Variants in KCTD1 observed in about 807,000 individuals in gnomAD.
The protein encoded by KCTD1 is BTB/POZ domain-containing protein KCTD1.
A neutral mutation model predicts 66.0 loss-of-function variants in KCTD1; 24 were observed. The observed-to-expected ratio is 0.36, with a 90% CI of 0.26 to 0.51. The LOEUF (loss-of-function observed/expected upper bound fraction) is 0.51, where lower values mean the gene tolerates loss of function less well. KCTD1 is among the 20% of genes least tolerant of loss of function. The pLI is 0.95. For missense variants in KCTD1, 943 were observed against 1,205.2 expected, an observed-to-expected ratio of 0.78 and a Z score of 3.22; for synonymous variants, 511 against 517.2, an observed-to-expected ratio of 0.99 and a Z score of 0.16.
At chr18:26,500,787 G>A (rs1420586482) in intron 2 of KCTD1, among the ~76,000 whole-genome samples, 5 of 152,062 alleles carry the variant, frequency 3.3e-5, no homozygotes, top group African/African-American at 9.7e-5. Flanking sequence ...ATCTTTTTTT[G>A]TACTACATTG....
At chr18:26,523,511 T>A (rs1424248500) in intron 1 of KCTD1, among the ~76,000 whole-genome samples, 1 of 151,912 alleles carries the variant, frequency 6.6e-6, no homozygotes, top group African/African-American at 2.4e-5. Flanking sequence ...AAAAGCTGAG[T>A]GTGGTGGCTC....
chr18:26,582,487 C>T (rs952283526), intron 1 of KCTD1, among the ~76,000 whole-genome samples: 2 of 152,156 alleles, frequency 1.3e-5, no homozygotes, highest in Non-Finnish European at 2.9e-5. Flanking sequence ...TACAGTTTGA[C>T]AATATGTAAC....
At chr18:26,512,526 T>C (rs1205544926) in intron 1 of KCTD1, among the ~76,000 whole-genome samples, 2 of 152,206 alleles carry the variant, frequency 1.3e-5, no homozygotes, top group Non-Finnish European at 2.9e-5. Context: ...AAAAAGTTCA[T>C]TTGCTCATTT....
chr18:26,641,132 G>A (rs1003542290), upstream of KCTD1, among the ~76,000 whole-genome samples: 1 of 152,132 alleles, frequency 6.6e-6, no homozygotes, highest in Non-Finnish European at 1.5e-5. Flanking sequence ...TGTAAGGCCT[G>A]TTTATACCCT....
intron 1 of KCTD1, among the ~76,000 whole-genome samples, chr18:26,508,314 G>A (rs895871895): frequency 2.0e-5 from 3 of 152,038 alleles, no homozygotes; most frequent in African/African-American, 7.2e-5. Flanking sequence ...GATTTTTTTG[G>A]TAGTAGAATC....
intron 1 of KCTD1, among the ~76,000 whole-genome samples, chr18:26,562,216 C>A (rs1427405517): frequency 6.6e-6 from 1 of 152,092 alleles, no homozygotes; most frequent in East Asian, 1.9e-4. Context: ...CACTGAAGCA[C>A]CAAGCCCTGC....
chr18:26,635,361 T>C (rs1987701990), intron 1 of KCTD1, among the ~76,000 whole-genome samples: 1 of 152,250 alleles, frequency 6.6e-6, no homozygotes, highest in Non-Finnish European at 1.5e-5. Flanking sequence ...GAATACAGAA[T>C]TGCTAGTGCA....
chr18:26,461,115 T>C (rs1190129518), intron 3 of KCTD1, among the ~76,000 whole-genome samples: 1 of 152,238 alleles, frequency 6.6e-6, no homozygotes, highest in Admixed American at 6.5e-5. Flanking sequence ...GGCTAGAGTA[T>C]GAGAAGCACA....
chr18:26,574,620 A>G (rs1417656563), intron 1 of KCTD1, among the ~76,000 whole-genome samples: 1 of 152,256 alleles, frequency 6.6e-6, no homozygotes, highest in Non-Finnish European at 1.5e-5. Flanking sequence ...AAAACACACT[A>G]GCTTCAATCC....
chr18:26,514,685 C>G (rs928923992), intron 1 of KCTD1, among the ~76,000 whole-genome samples: 2 of 152,192 alleles, frequency 1.3e-5, no homozygotes, highest in African/African-American at 4.8e-5. Context: ...CAGAAACACT[C>G]CTCCTGGACC....
At chr18:26,462,619 A>C (rs1057377365) in intron 3 of KCTD1, among the ~76,000 whole-genome samples, 1 of 152,216 alleles carries the variant, frequency 6.6e-6, no homozygotes, top group Non-Finnish European at 1.5e-5. Context: ...GGTGAAGTGC[A>C]CATTGGCCAT....
At chr18:26,638,071 A>G (rs1025979301) in intron 1 of KCTD1, among the ~76,000 whole-genome samples, 9 of 152,242 alleles carry the variant, frequency 5.9e-5, no homozygotes, top group Non-Finnish European at 2.9e-5. Flanking sequence ...GTTGCAAATT[A>G]ATCATCTACC....
At chr18:26,499,612 A>G (rs533470183) in intron 2 of KCTD1, among the ~76,000 whole-genome samples, 24 of 152,360 alleles carry the variant, frequency 1.6e-4, no homozygotes, top group African/African-American at 5.5e-4. Flanking sequence ...TAAATTATCA[A>G]GTAATGGAGT....
chr18:26,615,797 G>A (rs959461183), intron 1 of KCTD1, among the ~76,000 whole-genome samples: 14 of 152,142 alleles, frequency 9.2e-5, no homozygotes, highest in African/African-American at 3.1e-4. Flanking sequence ...GATCACTAGT[G>A]CTTTTTTTTT....
intron 1 of KCTD1, among the ~76,000 whole-genome samples, chr18:26,623,459 G>T (rs916512288): frequency 6.6e-6 from 1 of 152,106 alleles, no homozygotes; most frequent in Admixed American, 6.5e-5. Flanking sequence ...CCATGCTGCT[G>T]TTCTCATGAA....
In KCTD1 at chr18:26,476,015, T is replaced by G. The variant is rs2144600639; in HGVS notation, c.2133+500A>C. Among the ~76,000 whole-genome samples the G allele has an allele frequency of 1.3e-5, 2 of 152,350 alleles. No individual in the cohort carries two copies. The highest frequency in any genetic ancestry group is 4.1e-4 in the South Asian group (2 of 4,834). On this transcript the variant is annotated intron_variant, in intron 3 of 4. Transcript: ENST00000580059. The surrounding 1 kb of genome is among the most constrained non-coding windows in gnomAD (Gnocchi z 4.9). ...AATTACATTTTCGTGAATTCCCTTC[T>G]AATATTAACACTTTCTATTTGTTCT...
Position 26,601,998 on chromosome 18 carries a change from CT to C in KCTD1, c.-16+27148del, listed in dbSNP as rs575528201. 7.1e-3 allele frequency among the ~76,000 whole-genome samples: 1,085 copies of C among 152,120 alleles called. 19 individuals are homozygous for C. Among genetic ancestry groups the C allele is most frequent in the African/African-American group, 0.025 (1,030 of 41,498 alleles). On this transcript the variant is annotated intron_variant, in intron 1 of 4. Transcript: ENST00000317932. ...TATTTCAATTTCTTGCCTAATTGCC[CT>C]TACCAGAACCTCCAGGTACACTTCC...
At chr18:26,464,784 T>C (rs551054879) in intron 3 of KCTD1, among the ~76,000 whole-genome samples, 1 of 152,332 alleles carries the variant, frequency 6.6e-6, no homozygotes, top group African/African-American at 2.4e-5. Context: ...ATCCTGCTCT[T>C]GGGACCCTCG....
intron 1 of KCTD1, among the ~76,000 whole-genome samples, chr18:26,597,282 G>T (rs1009681200): frequency 1.3e-5 from 2 of 152,038 alleles, no homozygotes; most frequent in African/African-American, 4.8e-5. Context: ...GGCTGCTGGG[G>T]CCTGAGCAAG....
Sources: gnomAD v4.1 joint callset for allele counts (sites outside exome capture counted in the v4.1 genomes callset) on GRCh38, gnomAD v4.1.1 for gene constraint, Gnocchi (gnomAD v3.1) non-coding constraint, MANE v1.5 for transcripts, NCBI Gene and HGNC (gene_info 2026-07-23, HGNC 2026-07-21) for gene names.